Variants in NGDN observed in about 807,000 individuals in gnomAD.
NGDN encodes the protein EIF4E-binding protein.
NGDN carries 41 observed loss-of-function variants against 45.2 expected under a neutral mutation model. That is an observed-to-expected ratio of 0.91 (90% CI 0.71 to 1.18). NGDN has a LOEUF of 1.18. Ranked by LOEUF, NGDN falls within the 50% of genes most tolerant of loss-of-function variation. The pLI, the probability that NGDN is intolerant of heterozygous loss-of-function variation, is 0.00. For synonymous variants in NGDN, 137 were observed against 130.9 expected (o/e 1.05, Z -0.32); for missense variants, 402 against 399.9 (o/e 1.01, Z -0.05).
Position 23,476,046 on chromosome 14 carries a change from G to A in NGDN, c.438G>A (p.Glu146=), listed in dbSNP as rs138349504. ...NMMSKLSSED[E]EEDEAEDDQS... ...TTTTGTAGTTGAGCTCTGAGGATGAGGAGGAAGATGAAGCAGAAGATGACC... is the reference window on the plus strand; with the variant it reads ...TTTTGTAGTTGAGCTCTGAGGATGAAGAGGAAGATGAAGCAGAAGATGACC... Residue 146 remains glutamate, a synonymous_variant, in exon 7 of 11, where the codon GAG becomes GAA. Transcript: ENST00000408901. 235 of 1,614,158 alleles carry A rather than the reference G, an allele frequency of 1.5e-4. 1 individual carries two copies. The African/African-American group carries it at 2.9e-3, about 20-fold the overall frequency.
intron 3 of NGDN, among the ~76,000 whole-genome samples, chr14:23,472,100 G>A (rs745690772): frequency 3.3e-5 from 5 of 150,400 alleles, no homozygotes; most frequent in Admixed American, 6.6e-5. Context: ...TGAATGGATC[G>A]GTTGAGCCCA....
chr14:23,477,871 T>G, intron 10 of NGDN, 136 bp from the exon 11 acceptor site: 11 of 1,553,820 alleles, frequency 7.1e-6, no homozygotes, highest in South Asian at 1.2e-5. Flanking sequence ...TCTCGTCTTT[T>G]GTCCTGGGAA....
chr14:23,474,712 A>T (rs1047932650), intron 3 of NGDN, among the ~76,000 whole-genome samples: 1 of 152,230 alleles, frequency 6.6e-6, no homozygotes, highest in African/African-American at 2.4e-5. Flanking sequence ...ATGGGGGGAA[A>T]TTGGTAATTA....
At chr14:23,478,332 T>C, downstream of NGDN, 1 of 341,938 alleles carries the variant, frequency 2.9e-6, no homozygotes, top group Non-Finnish European at 5.3e-6. Context: ...AAAAATTGGT[T>C]ACGTCACAAA....
At chr14:23,473,757 T>C (rs1893836801) in intron 3 of NGDN, among the ~76,000 whole-genome samples, 1 of 152,242 alleles carries the variant, frequency 6.6e-6, no homozygotes, top group African/African-American at 2.4e-5. Context: ...TTTTGAATGC[T>C]GTTTTTAGTT....
At position 23,478,007 on chromosome 14, in the gene NGDN, G is replaced by A; in HGVS notation, c.929G>A (p.Gly310Asp). 3 of 1,613,950 alleles carry A rather than the reference G, an allele frequency of 1.9e-6. No individual in the cohort carries two copies. Among genetic ancestry groups the A allele is most frequent in the South Asian group, 1.1e-5 (1 of 91,058 alleles). ...KIPQKGRKKK[G>D]FRRRR The stretch of plus-strand genomic sequence containing the variant: ...CATTCTTGGTTTCCCTTCCTTTCAG[G>A]TTTTCGGAGGCGGCGGTGATTATGG... Residue 310 changes from glycine (G) to aspartate (D), a missense_variant and splice_region_variant, in exon 11 of 11, where the codon GGT (glycine) becomes GAT (aspartate). Gly to Asp is a moderately conservative substitution (Grantham distance 94). Coordinates refer to ENST00000408901, the MANE Select transcript of NGDN (RefSeq NM_001042635.2).
chr14:23,473,896 G>T (rs1893839374), intron 3 of NGDN, among the ~76,000 whole-genome samples: 1 of 151,912 alleles, frequency 6.6e-6, no homozygotes, highest in African/African-American at 2.4e-5. Flanking sequence ...AAATTAGCCG[G>T]GCGTGGTGGG....
intron 2 of NGDN, 110 bp from the exon 3 acceptor site, chr14:23,470,796 G>T: frequency 1.3e-6 from 1 of 741,112 alleles, no homozygotes; most frequent in South Asian, 1.9e-5. Context: ...CTATACTTTA[G>T]ACAGTGTTTC....
Position 23,469,790 on chromosome 14 carries a change from C to T in NGDN, c.12+63C>T, listed in dbSNP as rs913414919. On this transcript the variant is annotated intron_variant, in intron 1 of 10. Coordinates refer to ENST00000408901, the MANE Select transcript of NGDN (RefSeq NM_001042635.2). ...TGGAGTTGTCCTTTGCCTTCAGCGG[C>T]TGGAGGCAAACTGTTGGTACCAGGG... 6 of 1,603,090 alleles carry T rather than the reference C, an allele frequency of 3.7e-6. No individual in the cohort carries two copies. The African/African-American group carries it at 6.7e-5, about 18-fold the overall frequency.
chr14:23,478,135 G>A lies in NGDN; in HGVS notation c.*109G>A. On this transcript the variant is annotated 3_prime_UTR_variant, in exon 11 of 11. Transcript: ENST00000408901. ...CATTAATTGTTTGCTTTGGACATGT[G>A]GAAAGAGCCTTACTAATAAAATTGA... 1 of 1,087,598 alleles carries A rather than the reference G, an allele frequency of 9.2e-7. No individual in the cohort carries two copies. Among genetic ancestry groups the A allele is most frequent in the Non-Finnish European group, 1.4e-6 (1 of 721,692 alleles). The allele number at this position is 1,087,598 out of a possible 1,614,324, so 67.4% of individuals were successfully genotyped here. A position where few individuals can be genotyped will look rare whatever the true frequency, so the allele number is the denominator to read the frequency against.
At chr14:23,469,913 AC>A (rs1276536065) in intron 1 of NGDN, 128 bp from the exon 2 acceptor site, 1 of 1,244,904 alleles carries the variant, frequency 8.0e-7, no homozygotes, top group Admixed American at 1.9e-5. Flanking sequence ...GAGTCTGTGA[AC>A]CCGAGTGTGA....
Position 23,475,308 on chromosome 14 carries a change from G to C in NGDN, c.282G>C (p.Thr94=). Residue 94 remains threonine, a splice_region_variant and synonymous_variant, in exon 4 of 11, where the codon ACG becomes ACC. Transcript: ENST00000408901. The stretch of plus-strand genomic sequence containing the variant: ...TTTTGAGACTGGTGGAGATTCGCAC[G>C]GTATGAAGCATTTGGCTTCTTGGAG... The part of the protein sequence containing the change: ...DAVLRLVEIR[T]VLEKLRPLDQ... 2 of 1,606,576 alleles carry C rather than the reference G, an allele frequency of 1.2e-6. No individual in the cohort carries two copies. Among genetic ancestry groups the C allele is most frequent in the Non-Finnish European group, 1.7e-6 (2 of 1,177,500 alleles).
At chr14:23,471,208 T>C (rs1043137062) in intron 3 of NGDN, 5 of 378,324 alleles carry the variant, frequency 1.3e-5, no homozygotes, top group African/African-American at 8.3e-5. Context: ...GAGGGATTAA[T>C]TAACTGCCAG....
intron 2 of NGDN, 41 bp downstream of exon 2, chr14:23,470,142 G>C (rs1220558185): frequency 1.3e-6 from 2 of 1,578,314 alleles, no homozygotes; most frequent in African/African-American, 2.7e-5. Flanking sequence ...TCACGGATTG[G>C]CTTTGAGTTT....
chr14:23,475,880 T>C, intron 6 of NGDN, 102 bp downstream of exon 6: 1 of 1,471,272 alleles, frequency 6.8e-7, no homozygotes, highest in South Asian at 1.2e-5. Context: ...AGGACTTGAT[T>C]TTCCAACTTG....
intron 10 of NGDN, 186 bp from the exon 11 acceptor site, chr14:23,477,821 C>A: frequency 6.8e-7 from 1 of 1,468,780 alleles, no homozygotes. Context: ...TAAAGTGTCA[C>A]TTGAAGGAAC....
In NGDN at chr14:23,475,832, G is replaced by A. The variant is rs1893889003; in HGVS notation, c.420+54G>A. The A allele has an allele frequency of 4.5e-6, 7 of 1,548,082 alleles. No homozygotes were observed. The Admixed American group carries it at 1.2e-4, about 28-fold the overall frequency. On this transcript the variant is annotated intron_variant, in intron 6 of 10. Transcript: ENST00000408901. Reference sequence around the variant, plus strand: ...TTTTCTGAGGCAGCTATACCTAGATGAGCCTCTTGGTGATCCTGGATACCC... The same window carrying A: ...TTTTCTGAGGCAGCTATACCTAGATAAGCCTCTTGGTGATCCTGGATACCC...
chr14:23,475,249 G>T lies in NGDN; in HGVS notation c.223G>T (p.Ala75Ser), dbSNP rs1428003904. 1.2e-6 allele frequency: 2 copies of T among 1,614,104 alleles called. No individual in the cohort carries two copies. The highest frequency in any genetic ancestry group is 2.2e-5 in the East Asian group (1 of 44,874). Residue 75 changes from alanine to serine, a missense_variant, in exon 4 of 11, where the codon GCC becomes TCC. By Grantham distance (99) the Ala-to-Ser change is moderately conservative. Transcript: ENST00000408901. ...TTTGACCCACCTCATTCTGGACAAA[G>T]CCTCAGGAGGATCTCTTCAGGGACA... ...MDLTHLILDK[A>S]SGGSLQGHDA...
intron 10 of NGDN, 191 bp downstream of exon 10, chr14:23,477,751 C>A: frequency 2.1e-6 from 3 of 1,457,750 alleles, no homozygotes; most frequent in Non-Finnish European, 2.7e-6. Flanking sequence ...CAAAATGAAT[C>A]TCTGGATTCT....
Sources: gnomAD v4.1 joint callset for allele counts (sites outside exome capture counted in the v4.1 genomes callset) on GRCh38, gnomAD v4.1.1 for gene constraint, MANE v1.5 for transcripts, NCBI Gene and HGNC (gene_info 2026-07-23, HGNC 2026-07-21) for gene names.